Variants in NLRP8 observed in about 807,000 individuals in gnomAD.
NLRP8 encodes NLR family pyrin domain containing 8.
Under a neutral mutation model 88.7 loss-of-function variants are expected in NLRP8, and 86 were observed. The ratio of observed to expected loss-of-function variants is 0.97; its 90% CI spans 0.81 to 1.16. NLRP8 has a LOEUF of 1.16. Ranked by LOEUF, NLRP8 falls within the 50% of genes most tolerant of loss-of-function variation. The pLI is 0.00. For missense variants in NLRP8, 1,342 were observed against 1,286.5 expected (o/e 1.04, Z -0.66); for synonymous variants, 504 against 494.6 (o/e 1.02, Z -0.25).
chr19:55,979,508 T>A lies in NLRP8; in HGVS notation c.2991T>A (p.Gly997=), dbSNP rs555118905. 146 of 1,614,210 alleles carry A rather than the reference T, an allele frequency of 9.0e-5. No individual in the cohort carries two copies. In the Admixed American group the frequency reaches 1.6e-3, roughly 18 times the overall value. ...GCAAGAATGCGATTGGAGTCTATGG[T>A]ATTCTGACCTTGTGCGAGGCCTTCT... The change falls in exon 9 of 10, where the codon GGT becomes GGA. Residue 997 remains glycine (G), a synonymous_variant. Coordinates refer to ENST00000291971, the MANE Select transcript of NLRP8 (RefSeq NM_176811.2).
intron 3 of NLRP8, among the ~76,000 whole-genome samples, chr19:55,958,734 G>C (rs1179351647): frequency 6.6e-6 from 1 of 152,130 alleles, no homozygotes; most frequent in East Asian, 1.9e-4. Flanking sequence ...ATTTTTTGTA[G>C]AGATGGGGGT....
chr19:55,976,793 C>CATATATATGCATATAT (rs1568468249), intron 8 of NLRP8, among the ~76,000 whole-genome samples: 17 of 23,446 alleles, frequency 7.3e-4, no homozygotes, highest in African/African-American at 1.4e-3. Context: ...TATAAAGATA[C>CATATATATGCATATAT]ATGTGGCCAG....
chr19:55,957,770 A>G (rs1236361468), intron 3 of NLRP8, among the ~76,000 whole-genome samples: 1 of 147,196 alleles, frequency 6.8e-6, no homozygotes, highest in Non-Finnish European at 1.5e-5. Context: ...ACACTGAATA[A>G]GTCCAGTCCT....
intron 7 of NLRP8, among the ~76,000 whole-genome samples, chr19:55,974,659 C>T (rs1980226226): frequency 6.6e-6 from 1 of 151,290 alleles, no homozygotes; most frequent in Admixed American, 6.6e-5. Context: ...TGGCATGAAC[C>T]CGGGAGGCAG....
At chr19:55,987,587 T>G (rs1384654758) in intron 9 of NLRP8, among the ~76,000 whole-genome samples, 1 of 152,192 alleles carries the variant, frequency 6.6e-6, no homozygotes, top group Non-Finnish European at 1.5e-5. Flanking sequence ...ATAAGTTAAA[T>G]GGCTTGCCTG....
intron 7 of NLRP8, among the ~76,000 whole-genome samples, chr19:55,974,815 C>A (rs1408414206): frequency 1.3e-5 from 2 of 151,792 alleles, no homozygotes; most frequent in Non-Finnish European, 2.9e-5. Context: ...GGCAGTTACC[C>A]GAGAGACTTT....
intron 3 of NLRP8, among the ~76,000 whole-genome samples, chr19:55,960,817 T>G (rs778828092): frequency 6.6e-6 from 1 of 152,068 alleles, no homozygotes; most frequent in Non-Finnish European, 1.5e-5. Context: ...CAATGAAGTA[T>G]TCTTTGAAAA....
rs767589971 is a variant in NLRP8 at position 55,952,518 on chromosome 19, C to A, written c.368-20C>A. The A allele has an allele frequency of 1.2e-6, 2 of 1,604,414 alleles. No homozygotes were observed. Among genetic ancestry groups the A allele is most frequent in the Non-Finnish European group, 1.7e-6 (2 of 1,171,392 alleles). ...AGATCTTATCATTCCCGTGGAACAG[C>A]CTCCTTTTTTCTGTTACAGCCATTC... On this transcript the variant is annotated intron_variant, in intron 1 of 9. Transcript: ENST00000291971.
At position 55,976,063 on chromosome 19, in the gene NLRP8, C is replaced by CGTT. The variant is rs373685679; in HGVS notation, c.2706-51_2706-49dup. ...AAGAAGTAAAACCTAAGGGTGTTTT[C>CGTT]GTTGTTGTTGTTGTTGTTGTTTTGT... On this transcript the variant is annotated intron_variant, in intron 7 of 9. Coordinates refer to ENST00000291971, the MANE Select transcript of NLRP8 (RefSeq NM_176811.2). 1,686 of 1,305,048 alleles carry CGTT rather than the reference C, an allele frequency of 1.3e-3. 12 individuals are homozygous for CGTT. The East Asian group carries it at 0.036, about 28-fold the overall frequency. 80.8% of individuals were successfully genotyped at this position (1,305,048 alleles called of 1,614,324 possible).
Position 55,973,772 on chromosome 19 carries a change from G to A in NLRP8, c.2655G>A (p.Lys885=), listed in dbSNP as rs1310809789. 1 of 1,614,028 alleles carries A rather than the reference G, an allele frequency of 6.2e-7. No homozygotes were observed. The highest frequency in any genetic ancestry group is 8.5e-7 in the Non-Finnish European group (1 of 1,179,916). ...ACGCCTTGAAAGATGAAGGGGCCAA[G>A]CATATTTGGAATGCCCTGCCACACC... The change falls in exon 7 of 10, where the codon AAG becomes AAA. Residue 885 remains lysine (K), a synonymous_variant. Coordinates refer to ENST00000291971, the MANE Select transcript of NLRP8 (RefSeq NM_176811.2).
chr19:55,970,611 C>T lies in NLRP8; in HGVS notation c.2449C>T (p.His817Tyr). Reference sequence around the variant, plus strand: ...TGGCAATAATCTTCAAGGTAACGGGCATCTAAAGACTCTCATACTAAGAAA... The same window carrying T: ...TGGCAATAATCTTCAAGGTAACGGGTATCTAAAGACTCTCATACTAAGAAA... The change falls in exon 6 of 10, where the codon CAT becomes TAT. Residue 817 changes from histidine to tyrosine, a missense_variant. Transcript: ENST00000291971. The T allele has an allele frequency of 6.2e-7, 1 of 1,614,058 alleles. No individual in the cohort carries two copies. The highest frequency in any genetic ancestry group is 1.1e-5 in the South Asian group (1 of 91,064).
chr19:55,987,062 AT>A (rs1352985433), intron 9 of NLRP8, among the ~76,000 whole-genome samples: 1 of 152,214 alleles, frequency 6.6e-6, no homozygotes, highest in African/African-American at 2.4e-5. Context: ...CTTTTCAGAC[AT>A]TCGGTCTAAA....
At chr19:55,987,391 T>G (rs1980899200) in intron 9 of NLRP8, among the ~76,000 whole-genome samples, 1 of 152,044 alleles carries the variant, frequency 6.6e-6, no homozygotes, top group Admixed American at 6.6e-5. Context: ...AAGTACAGAG[T>G]AGGGGGTACT....
intron 5 of NLRP8, 62 bp from the exon 6 acceptor site, chr19:55,970,482 A>G: frequency 6.4e-7 from 1 of 1,552,796 alleles, no homozygotes. Flanking sequence ...GGAATCCAGG[A>G]GGTCCTACAG....
At chr19:55,964,611 G>T (rs1408206461) in intron 4 of NLRP8, among the ~76,000 whole-genome samples, 1 of 152,072 alleles carries the variant, frequency 6.6e-6, no homozygotes, top group Non-Finnish European at 1.5e-5. Context: ...AATTAGCTTG[G>T]TGTGGTGGTG....
intron 6 of NLRP8, among the ~76,000 whole-genome samples, chr19:55,972,899 A>ACT (rs1466574834): frequency 6.6e-6 from 1 of 151,096 alleles, no homozygotes; most frequent in Admixed American, 6.6e-5. Context: ...TATTTTCGCA[A>ACT]CTGCAAATTG....
intron 2 of NLRP8, among the ~76,000 whole-genome samples, chr19:55,953,435 A>C (rs1411798940): frequency 6.6e-6 from 1 of 152,054 alleles, no homozygotes; most frequent in Non-Finnish European, 1.5e-5. Flanking sequence ...TCCATGGAAA[A>C]CTTGTCTTCC....
In NLRP8 at chr19:55,956,003, CT is replaced by C; in HGVS notation, c.1946del (p.Leu649ArgfsTer12). On this transcript the variant is annotated frameshift_variant, in exon 3 of 10. Coordinates refer to ENST00000291971, the MANE Select transcript of NLRP8 (RefSeq NM_176811.2). LOFTEE classifies it high-confidence loss of function. ...AGAAGTTCAAGTGTCTGCTTTTTGC[CT>C]GAAGCGGTGTCAATATTTGCATGAG... The C allele has an allele frequency of 6.2e-7, 1 of 1,614,078 alleles. No individual in the cohort carries two copies. Among genetic ancestry groups the C allele is most frequent in the Non-Finnish European group, 8.5e-7 (1 of 1,179,996 alleles).
At chr19:55,958,928 G>C (rs1979493079) in intron 3 of NLRP8, among the ~76,000 whole-genome samples, 1 of 152,022 alleles carries the variant, frequency 6.6e-6, no homozygotes, top group African/African-American at 2.4e-5. Context: ...GCCCAAGCTG[G>C]AGTGCAGTGG....
Sources: allele counts gnomAD v4.1 joint callset (sites outside exome capture counted in the v4.1 genomes callset), GRCh38; gene constraint gnomAD v4.1.1; transcripts MANE v1.5; gene names NCBI Gene and HGNC (gene_info 2026-07-23, HGNC 2026-07-21).